RPS6KA5: variants seen among roughly 807,000 people sequenced by gnomAD.
The protein encoded by RPS6KA5 is ribosomal protein S6 kinase alpha-5.
RPS6KA5 carries 27 observed loss-of-function variants against 85.5 expected under a neutral mutation model. The ratio of observed to expected loss-of-function variants is 0.32; its 90% CI spans 0.23 to 0.44. The LOEUF is 0.44. Among genes scored for constraint, RPS6KA5 ranks in the 20% least tolerant of loss-of-function variants. The probability of loss-of-function intolerance (pLI) is 1.00; values close to 1 mark genes in which losing one functional copy is unlikely to be tolerated. For synonymous variants in RPS6KA5, 334 were observed against 348.2 expected, an observed-to-expected ratio of 0.96 and a Z score of 0.46; for missense variants, 811 against 980.9, an observed-to-expected ratio of 0.83 and a Z score of 2.31.
chr14:91,052,554 G>T, intron 1 of RPS6KA5: 1 of 203,430 alleles, frequency 4.9e-6, no homozygotes, highest in Non-Finnish European at 1.0e-5. Context: ...GGCAAGCGCG[G>T]TGGCTCAAGC....
rs1280196332 is a variant in RPS6KA5 at position 91,019,098 on chromosome 14, G to A, written c.104-17939C>T. On this transcript the variant is annotated intron_variant, in intron 1 of 16. Coordinates refer to ENST00000614987, the MANE Select transcript of RPS6KA5 (RefSeq NM_004755.4). ...TCATGTTAGGCAGATTTATGTCGGT[G>A]TTTTCACTTTATTTGGAAATTAAGC... Among the ~76,000 whole-genome samples, 4 of 152,208 alleles carry A rather than the reference G, an allele frequency of 2.6e-5. No individual in the cohort carries two copies. In the East Asian group the frequency reaches 7.7e-4, roughly 29 times the overall value.
At chr14:91,000,393 T>C (rs746460486) in intron 2 of RPS6KA5, among the ~76,000 whole-genome samples, 24 of 152,200 alleles carry the variant, frequency 1.6e-4, no homozygotes, top group Non-Finnish European at 3.1e-4. Context: ...ATTACGTTCA[T>C]TGAGTATCAA....
intron 14 of RPS6KA5, among the ~76,000 whole-genome samples, chr14:90,881,377 C>T (rs1438416333): frequency 2.7e-5 from 4 of 150,036 alleles, no homozygotes; most frequent in East Asian, 2.1e-4. Context: ...TGCCTGAACT[C>T]GGGAGGCAGA....
At chr14:90,984,907 T>G (rs948309442) in intron 2 of RPS6KA5, among the ~76,000 whole-genome samples, 2 of 152,218 alleles carry the variant, frequency 1.3e-5, no homozygotes, top group East Asian at 1.9e-4. Flanking sequence ...TTTGCAAAAT[T>G]TGAATTTATT....
At chr14:91,022,195 T>G (rs1374042624) in intron 1 of RPS6KA5, among the ~76,000 whole-genome samples, 1 of 152,214 alleles carries the variant, frequency 6.6e-6, no homozygotes, top group African/African-American at 2.4e-5. Context: ...AGGAAACTAT[T>G]TGAATGTGAA....
intron 7 of RPS6KA5, among the ~76,000 whole-genome samples, chr14:90,908,636 G>A (rs570767147): frequency 6.6e-6 from 1 of 152,218 alleles, no homozygotes; most frequent in Non-Finnish European, 1.5e-5. Flanking sequence ...GTGGCGTGGT[G>A]AGGAGAAAGG....
intron 1 of RPS6KA5, among the ~76,000 whole-genome samples, chr14:91,050,998 C>G (rs2043055189): frequency 1.3e-5 from 2 of 151,948 alleles, no homozygotes; most frequent in African/African-American, 4.8e-5. Flanking sequence ...GAGGTCGAGG[C>G]AGGTGGAGCA....
At position 90,983,815 on chromosome 14, in the gene RPS6KA5, C is replaced by CTG. The variant is rs1491332446; in HGVS notation, c.176-5293_176-5292dup. 1.1e-4 allele frequency among the ~76,000 whole-genome samples: 14 copies of CTG among 128,630 alleles called. No homozygotes were observed. In the South Asian group the frequency reaches 3.7e-3, roughly 34 times the overall value. 84.4% of individuals were successfully genotyped at this position (128,630 alleles called of 152,430 possible). On this transcript the variant is annotated intron_variant, in intron 2 of 16. Transcript: ENST00000614987. The stretch of plus-strand genomic sequence containing the variant: ...TCTCTCTCTCTCTCTCTCTCTCTCT[C>CTG]TGTCTCTCTCTCTCTCTCTCTCTCT...
intron 1 of RPS6KA5, among the ~76,000 whole-genome samples, chr14:91,021,789 C>A (rs935592396): frequency 6.6e-6 from 1 of 152,190 alleles, no homozygotes; most frequent in African/African-American, 2.4e-5. Context: ...GCTCTGTGTC[C>A]TGACATGCCC....
At chr14:90,913,246 T>C (rs1247830746) in intron 7 of RPS6KA5, among the ~76,000 whole-genome samples, 1 of 151,976 alleles carries the variant, frequency 6.6e-6, no homozygotes, top group Non-Finnish European at 1.5e-5. Context: ...TTCTGCCCAG[T>C]ACACTAACCA....
Position 90,858,365 on chromosome 14 carries a change from T to C in RPS6KA5, c.*13709A>G, listed in dbSNP as rs1010051695. Reference sequence around the variant, plus strand: ...TCTCTGTCCAAGAACTGTTCGAGAATGATGTTAACATCACGTGTAGGAATG... The same window carrying C: ...TCTCTGTCCAAGAACTGTTCGAGAACGATGTTAACATCACGTGTAGGAATG... On this transcript the variant is annotated 3_prime_UTR_variant, in exon 17 of 17. Coordinates refer to ENST00000614987, the MANE Select transcript of RPS6KA5 (RefSeq NM_004755.4). 2 of 152,182 alleles carry C rather than the reference T, an allele frequency of 1.3e-5. No individual in the cohort carries two copies. The highest frequency in any genetic ancestry group is 4.8e-5 in the African/African-American group (2 of 41,440). The allele number at this position is 152,182 out of a possible 1,614,324, so 9.4% of individuals were successfully genotyped here. A position where few individuals can be genotyped will look rare whatever the true frequency, so the allele number is the denominator to read the frequency against.
At chr14:91,055,831 A>T (rs1244486909) in intron 1 of RPS6KA5, among the ~76,000 whole-genome samples, 1 of 152,206 alleles carries the variant, frequency 6.6e-6, no homozygotes, top group Non-Finnish European at 1.5e-5. Flanking sequence ...TGTCTCTCAG[A>T]TCACTTGTTT....
Position 90,921,756 on chromosome 14 carries a change from G to A in RPS6KA5, c.702+1357C>T, listed in dbSNP as rs547303634. On this transcript the variant is annotated intron_variant, in intron 6 of 16. Transcript: ENST00000614987. Reference sequence around the variant, plus strand: ...CATGCTTTTAAATACATGATTAGTCGTCAGGAAGGAGACCAAAGATTCTCC... The same window carrying A: ...CATGCTTTTAAATACATGATTAGTCATCAGGAAGGAGACCAAAGATTCTCC... Among the ~76,000 whole-genome samples, 453 of 152,218 alleles carry A rather than the reference G, an allele frequency of 3.0e-3. 5 individuals are homozygous for A. Among genetic ancestry groups the A allele is most frequent in the Non-Finnish European group, 4.5e-3 (306 of 68,006 alleles).
At chr14:90,931,829 G>T (rs561482240) in intron 5 of RPS6KA5, among the ~76,000 whole-genome samples, 1 of 151,978 alleles carries the variant, frequency 6.6e-6, no homozygotes, top group South Asian at 2.1e-4. Flanking sequence ...CTAATATAAA[G>T]GATTATTACA....
rs527635324 is a variant in RPS6KA5 at position 90,867,332 on chromosome 14, A to C, written c.*4742T>G. 19 of 152,258 alleles carry C rather than the reference A, an allele frequency of 1.2e-4. No homozygotes were observed. Among genetic ancestry groups the C allele is most frequent in the African/African-American group, 3.4e-4 (14 of 41,566 alleles). The allele number at this position is 152,258 out of a possible 1,614,324, so 9.4% of individuals were successfully genotyped here. A position where few individuals can be genotyped will look rare whatever the true frequency, so the allele number is the denominator to read the frequency against. On this transcript the variant is annotated 3_prime_UTR_variant, in exon 17 of 17. Transcript: ENST00000614987. ...TAATGTGGCAAGGAACAAGAATGAA[A>C]CTAGATTTTTTTTTTTAGTAAAGGG...
In RPS6KA5 at chr14:90,856,471, C is replaced by T. The variant is rs2032291493; in HGVS notation, c.*15603G>A. The T allele has an allele frequency of 6.8e-6, 1 of 147,828 alleles. No individual in the cohort carries two copies. Among genetic ancestry groups the T allele is most frequent in the African/African-American group, 2.5e-5 (1 of 39,950 alleles). 9.2% of individuals were successfully genotyped at this position (147,828 alleles called of 1,614,324 possible). The stretch of plus-strand genomic sequence containing the variant: ...CTCTGCCTCCCGGGTTAAAGTGATT[C>T]TCCTGCCTCAGCCTCTCAAGTAGCT... On this transcript the variant is annotated 3_prime_UTR_variant, in exon 17 of 17. Coordinates refer to ENST00000614987, the MANE Select transcript of RPS6KA5 (RefSeq NM_004755.4).
intron 3 of RPS6KA5, among the ~76,000 whole-genome samples, chr14:90,951,693 T>C (rs2140385140): frequency 6.6e-6 from 1 of 152,264 alleles, no homozygotes; most frequent in Middle Eastern, 3.4e-3. Context: ...ACTTATTTTA[T>C]TTCTTACTGG....
At chr14:91,027,492 G>A (rs977978070) in intron 1 of RPS6KA5, among the ~76,000 whole-genome samples, 1 of 152,054 alleles carries the variant, frequency 6.6e-6, no homozygotes, top group African/African-American at 2.4e-5. Context: ...AAAAATGGTA[G>A]ATTATTTGCA....
Position 91,021,175 on chromosome 14 carries a change from C to T in RPS6KA5, c.104-20016G>A, listed in dbSNP as rs957800519. 2.0e-5 allele frequency among the ~76,000 whole-genome samples: 3 copies of T among 152,144 alleles called. No individual in the cohort carries two copies. The East Asian group carries it at 5.8e-4, about 29-fold the overall frequency. ...TTGAGCATTCACTGACAATTCTTGC[C>T]TGAACTAATCCTTACTATAATGGTT... is the stretch of plus-strand genomic sequence containing the variant. On this transcript the variant is annotated intron_variant, in intron 1 of 16. Coordinates refer to ENST00000614987, the MANE Select transcript of RPS6KA5 (RefSeq NM_004755.4).
Sources: allele counts gnomAD v4.1 joint callset (sites outside exome capture counted in the v4.1 genomes callset), GRCh38; gene constraint gnomAD v4.1.1; transcripts MANE v1.5; gene names NCBI Gene and HGNC (gene_info 2026-07-23, HGNC 2026-07-21).